KIAA1217: variants seen among roughly 807,000 people sequenced by gnomAD.
KIAA1217 encodes the protein KIAA1217, also known as sickle tail protein homolog.
KIAA1217 carries 88 observed loss-of-function variants against 163.9 expected under a neutral mutation model. That is an observed-to-expected ratio of 0.54 (90% CI 0.45 to 0.64). KIAA1217 has a LOEUF of 0.64. Ranked by LOEUF, KIAA1217 falls within the 30% of genes least tolerant of loss-of-function variation. The pLI is 0.00. For synonymous variants in KIAA1217, 903 were observed against 923.1 expected, an observed-to-expected ratio of 0.98 and a Z score of 0.39; for missense variants, 2,372 against 2,475.0, an observed-to-expected ratio of 0.96 and a Z score of 0.88.
intron 2 of KIAA1217, among the ~76,000 whole-genome samples, chr10:24,271,914 T>A (rs572605504): frequency 2.6e-5 from 4 of 152,102 alleles, no homozygotes; most frequent in African/African-American, 9.6e-5. Flanking sequence ...TTATACAAGA[T>A]AAGATAGCCC....
chr10:23,703,001 GC>G (rs1322429496), intron 1 of KIAA1217, among the ~76,000 whole-genome samples: 1 of 151,944 alleles, frequency 6.6e-6, no homozygotes, highest in Non-Finnish European at 1.5e-5. Context: ...GCTTCTGGTT[GC>G]CTTTTTTTGC....
intron 2 of KIAA1217, among the ~76,000 whole-genome samples, chr10:24,153,242 A>AG (rs2064707223): frequency 6.6e-6 from 1 of 152,230 alleles, no homozygotes; most frequent in Non-Finnish European, 1.5e-5. Flanking sequence ...CCTACACCCT[A>AG]GGATTCACCA....
At chr10:24,412,669 G>A (rs1265390713) in intron 3 of KIAA1217, among the ~76,000 whole-genome samples, 1 of 152,086 alleles carries the variant, frequency 6.6e-6, no homozygotes, top group Admixed American at 6.6e-5. Flanking sequence ...TCCTTTGTTG[G>A]TTGCATCTCA....
At chr10:24,445,728 G>A (rs2060874509) in intron 5 of KIAA1217, among the ~76,000 whole-genome samples, 2 of 151,896 alleles carry the variant, frequency 1.3e-5, no homozygotes, top group Non-Finnish European at 2.9e-5. Flanking sequence ...TTTTATGGCT[G>A]CATAGTATTC....
intron 3 of KIAA1217, 95 bp from the exon 4 acceptor site, chr10:24,432,900 C>T (rs2059717136): frequency 5.5e-6 from 5 of 911,034 alleles, no homozygotes; most frequent in South Asian, 3.1e-5. Flanking sequence ...TTGTCCTGAA[C>T]GTTCCTAAGT....
chr10:24,045,066 A>C (rs1490487307), intron 2 of KIAA1217, among the ~76,000 whole-genome samples: 2 of 152,186 alleles, frequency 1.3e-5, no homozygotes, highest in African/African-American at 2.4e-5. Context: ...CATGTCCAAA[A>C]AACATCTTTA....
chr10:24,203,268 A>G (rs1229470847), intron 2 of KIAA1217, among the ~76,000 whole-genome samples: 1 of 152,108 alleles, frequency 6.6e-6, no homozygotes, highest in East Asian at 1.9e-4. Context: ...TAAAAATAAT[A>G]TTGATGATTG....
chr10:23,971,308 G>T (rs544716992), intron 1 of KIAA1217, among the ~76,000 whole-genome samples: 38 of 152,258 alleles, frequency 2.5e-4, no homozygotes, highest in Non-Finnish European at 5.0e-4. Flanking sequence ...GAGCCCACTC[G>T]CCCAATTCCT....
intron 1 of KIAA1217, among the ~76,000 whole-genome samples, chr10:23,914,743 G>T (rs1019117573): frequency 2.6e-5 from 4 of 152,108 alleles, no homozygotes; most frequent in African/African-American, 9.7e-5. Context: ...GTAAATACCG[G>T]TGCAACACCC....
chr10:24,001,616 A>T (rs1846747241), intron 1 of KIAA1217, among the ~76,000 whole-genome samples: 1 of 152,188 alleles, frequency 6.6e-6, no homozygotes, highest in Non-Finnish European at 1.5e-5. Context: ...CATTTTATAG[A>T]TGAGGAAACA....
chr10:24,147,664 G>A (rs547146118), intron 2 of KIAA1217, among the ~76,000 whole-genome samples: 3 of 151,468 alleles, frequency 2.0e-5, no homozygotes, highest in Non-Finnish European at 2.9e-5. Flanking sequence ...CCAACATGAC[G>A]AAATCCAGTC....
intron 2 of KIAA1217, among the ~76,000 whole-genome samples, chr10:24,010,706 A>AG: frequency 6.6e-6 from 1 of 151,838 alleles, no homozygotes; most frequent in East Asian, 1.9e-4. Flanking sequence ...AAAAAAAAAA[A>AG]AGGGAACTTT....
At chr10:24,117,182 C>T (rs964511871) in intron 2 of KIAA1217, among the ~76,000 whole-genome samples, 1 of 152,022 alleles carries the variant, frequency 6.6e-6, no homozygotes, top group Non-Finnish European at 1.5e-5. Flanking sequence ...GGATTACAGG[C>T]ATGTACCACC....
chr10:24,118,016 C>A (rs1202567947), intron 2 of KIAA1217, among the ~76,000 whole-genome samples: 2 of 151,728 alleles, frequency 1.3e-5, no homozygotes, highest in African/African-American at 4.8e-5. Flanking sequence ...GTGGGAGAAA[C>A]GAGAGGAAGG....
chr10:24,389,141 G>A (rs1040971410), intron 3 of KIAA1217, among the ~76,000 whole-genome samples: 3 of 152,044 alleles, frequency 2.0e-5, no homozygotes, highest in African/African-American at 7.3e-5. Context: ...GCAAAGACTT[G>A]GAACCAGCCC....
chr10:24,259,703 G>A (rs920731553), intron 2 of KIAA1217, among the ~76,000 whole-genome samples: 5 of 152,198 alleles, frequency 3.3e-5, no homozygotes, highest in African/African-American at 9.7e-5. Flanking sequence ...TGAACTCCGT[G>A]ATTCCCCTGT....
chr10:23,756,493 A>G (rs1175898526), intron 1 of KIAA1217, among the ~76,000 whole-genome samples: 1 of 152,118 alleles, frequency 6.6e-6, no homozygotes, highest in Non-Finnish European at 1.5e-5. Context: ...GTAATATTGC[A>G]CTTTCTCCAT....
chr10:23,880,581 T>C (rs1404108940), intron 1 of KIAA1217, among the ~76,000 whole-genome samples: 3 of 151,936 alleles, frequency 2.0e-5, no homozygotes, highest in East Asian at 1.9e-4. Flanking sequence ...TAATTGTTCA[T>C]TGAAAAATAA....
chr10:24,220,240 G>T (rs909158076), intron 2 of KIAA1217, among the ~76,000 whole-genome samples: 3 of 152,134 alleles, frequency 2.0e-5, no homozygotes, highest in Admixed American at 1.3e-4. Flanking sequence ...GAATGAAGGG[G>T]TATTATCTAC....
Sources: allele counts gnomAD v4.1 joint callset (sites outside exome capture counted in the v4.1 genomes callset), GRCh38; gene constraint gnomAD v4.1.1; transcripts MANE v1.5; gene names NCBI Gene and HGNC (gene_info 2026-07-23, HGNC 2026-07-21).